ATRNL1: variants seen among roughly 807,000 people sequenced by gnomAD.
ATRNL1 encodes attractin-like protein 1.
ATRNL1 carries 95 observed loss-of-function variants against 182.7 expected under a neutral mutation model. That is an observed-to-expected ratio of 0.52 (90% CI 0.44 to 0.62). ATRNL1 has a LOEUF of 0.62. Among genes scored for constraint, ATRNL1 ranks in the 20% least tolerant of loss-of-function variants. The pLI, the probability that ATRNL1 is intolerant of heterozygous loss-of-function variation, is 0.00. For synonymous variants in ATRNL1, 576 were observed against 568.3 expected (o/e 1.01, Z -0.19); for missense variants, 1,471 against 1,679.5 (o/e 0.88, Z 2.17).
chr10:115,214,350 A>G (rs1016271799), intron 8 of ATRNL1, among the ~76,000 whole-genome samples: 1 of 151,784 alleles, frequency 6.6e-6, no homozygotes, highest in East Asian at 1.9e-4. Flanking sequence ...AAAGAATATT[A>G]ATCAAATTAT....
chr10:115,484,272 T>C (rs1848913713), intron 24 of ATRNL1, among the ~76,000 whole-genome samples: 3 of 151,612 alleles, frequency 2.0e-5, no homozygotes, highest in South Asian at 4.1e-4. Context: ...TTTTATCATA[T>C]TTTGAATAAT....
intron 22 of ATRNL1, among the ~76,000 whole-genome samples, chr10:115,463,709 T>C (rs567225409): frequency 6.6e-6 from 1 of 152,116 alleles, no homozygotes; most frequent in Non-Finnish European, 1.5e-5. Context: ...ACTCTCTGCC[T>C]GTATTAATTG....
intron 5 of ATRNL1, among the ~76,000 whole-genome samples, chr10:115,141,513 G>C (rs1306320242): frequency 1.3e-5 from 2 of 152,018 alleles, no homozygotes; most frequent in Non-Finnish European, 2.9e-5. Context: ...GTAGAAACTT[G>C]GTAGTTTTGT....
intron 26 of ATRNL1, among the ~76,000 whole-genome samples, chr10:115,590,266 T>G (rs1855822560): frequency 6.6e-6 from 1 of 152,204 alleles, no homozygotes; most frequent in African/African-American, 2.4e-5. Context: ...TTTAAGCACA[T>G]GACTGACTTT....
chr10:115,154,574 T>C (rs1846411693), intron 5 of ATRNL1, among the ~76,000 whole-genome samples: 1 of 152,154 alleles, frequency 6.6e-6, no homozygotes, highest in Non-Finnish European at 1.5e-5. Context: ...ACCCCTGCCC[T>C]TTTTTGTTTT....
chr10:115,310,747 A>C (rs1347661929), intron 17 of ATRNL1, among the ~76,000 whole-genome samples: 3 of 152,078 alleles, frequency 2.0e-5, no homozygotes, highest in African/African-American at 7.2e-5. Flanking sequence ...ATGGTCTATC[A>C]ATTTTATCTT....
chr10:115,190,675 A>T (rs1487436747), intron 8 of ATRNL1, among the ~76,000 whole-genome samples: 4 of 152,132 alleles, frequency 2.6e-5, no homozygotes, highest in African/African-American at 9.7e-5. Flanking sequence ...TAATTGGGAC[A>T]TCCATCACTT....
intron 1 of ATRNL1, among the ~76,000 whole-genome samples, chr10:115,100,563 T>TA (rs1210610951): frequency 6.6e-6 from 1 of 152,206 alleles, no homozygotes; most frequent in Non-Finnish European, 1.5e-5. Context: ...ACCATTCATA[T>TA]ATTTGTGTTT....
chr10:115,689,068 A>T (rs1228132470), intron 26 of ATRNL1, among the ~76,000 whole-genome samples: 1 of 152,040 alleles, frequency 6.6e-6, no homozygotes, highest in Non-Finnish European at 1.5e-5. Flanking sequence ...TGCTTTCCCT[A>T]GTGTATGTTC....
intron 28 of ATRNL1, among the ~76,000 whole-genome samples, chr10:115,887,764 A>G (rs1951983370): frequency 6.7e-6 from 1 of 149,840 alleles, no homozygotes; most frequent in Admixed American, 6.7e-5. Context: ...ACCTTCCTCT[A>G]CTTTACCCCC....
intron 24 of ATRNL1, among the ~76,000 whole-genome samples, chr10:115,476,608 T>A (rs1395352629): frequency 4.0e-5 from 6 of 151,394 alleles, no homozygotes; most frequent in African/African-American, 1.5e-4. Context: ...TTACTGACCC[T>A]TTTATTTTTA....
chr10:115,456,493 G>A (rs975178541), intron 21 of ATRNL1, among the ~76,000 whole-genome samples: 4 of 152,100 alleles, frequency 2.6e-5, no homozygotes, highest in Non-Finnish European at 4.4e-5. Flanking sequence ...ATGGGGTGAC[G>A]GGTAAGGTGA....
intron 19 of ATRNL1, among the ~76,000 whole-genome samples, chr10:115,337,329 C>T (rs929626567): frequency 1.3e-5 from 2 of 152,096 alleles, no homozygotes; most frequent in African/African-American, 4.8e-5. Context: ...CTTTGTGTTA[C>T]AAAGAATCTA....
intron 21 of ATRNL1, among the ~76,000 whole-genome samples, chr10:115,453,570 T>C (rs1245684401): frequency 1.3e-5 from 2 of 152,118 alleles, no homozygotes; most frequent in African/African-American, 4.8e-5. Context: ...TTTTGTTGCC[T>C]GTGCTTTTGG....
chr10:115,868,598 C>G (rs1951494175), intron 28 of ATRNL1, among the ~76,000 whole-genome samples: 1 of 152,086 alleles, frequency 6.6e-6, no homozygotes, highest in African/African-American at 2.4e-5. Flanking sequence ...TCATTTTACA[C>G]ACAGAGACAC....
At chr10:115,707,093 C>T (rs780220886) in intron 26 of ATRNL1, among the ~76,000 whole-genome samples, 6 of 151,578 alleles carry the variant, frequency 4.0e-5, no homozygotes, top group South Asian at 2.1e-4. Flanking sequence ...GGTACTAATC[C>T]GTGTCGCTTT....
At chr10:115,351,786 T>C (rs1470164974) in intron 19 of ATRNL1, among the ~76,000 whole-genome samples, 1 of 152,124 alleles carries the variant, frequency 6.6e-6, no homozygotes, top group African/African-American at 2.4e-5. Flanking sequence ...TTTTTGTTTT[T>C]AATTGTGTCT....
intron 26 of ATRNL1, among the ~76,000 whole-genome samples, chr10:115,575,925 A>T (rs10885738): frequency 0.47 from 71,791 of 151,880 alleles, 17,613 homozygotes; most frequent in Middle Eastern, 0.55. Flanking sequence ...CTTGAAAACC[A>T]CTGTTATTCT....
chr10:115,856,467 G>A (rs115737477), intron 28 of ATRNL1, among the ~76,000 whole-genome samples: 2,324 of 87,420 alleles, frequency 0.027, 89 homozygotes, highest in African/African-American at 0.08. Context: ...CATACTGTTC[G>A]TTGTGAATCT....
Sources: gnomAD v4.1 joint callset for allele counts (sites outside exome capture counted in the v4.1 genomes callset) on GRCh38, gnomAD v4.1.1 for gene constraint, MANE v1.5 for transcripts, NCBI Gene and HGNC (gene_info 2026-07-23, HGNC 2026-07-21) for gene names.